The following DMD variants were observed in gnomAD, a reference collection of about 807,000 sequenced individuals.
DMD encodes dystrophin, also known as mutant dystrophin.
Under a neutral mutation model 330.1 loss-of-function variants are expected in DMD, and 63 were observed. That is an observed-to-expected ratio of 0.19 (90% confidence interval 0.16 to 0.24). DMD has a LOEUF of 0.24. Ranked by LOEUF, DMD falls within the 10% of genes least tolerant of loss-of-function variation. The pLI, the probability that DMD is intolerant of heterozygous loss-of-function variation, is 1.00. For missense variants in DMD, 3,344 were observed against 2,684.1 expected (o/e 1.25, Z -5.43); for synonymous variants, 1,223 against 959.8 (o/e 1.27, Z -5.07).
intron 77 of DMD, 129 bp from the exon 78 acceptor site, chrX:31,126,802 G>GAA (rs1263082892): frequency 3.0e-4 from 46 of 152,838 alleles, no homozygotes; most frequent in Admixed American, 2.0e-3. Flanking sequence ...ATTCTCTGCT[G>GAA]GAAAAAAAAA....
At chrX:32,244,505 T>C (rs1166112501) in intron 43 of DMD, among the ~76,000 whole-genome samples, 357 of 59,773 alleles carry the variant, frequency 6.0e-3, no homozygotes, top group Admixed American at 7.5e-3. Flanking sequence ...CAAATGGTAT[T>C]TCTAGTTCTA....
chrX:32,305,924 T>C (rs917189678), intron 42 of DMD, among the ~76,000 whole-genome samples: 2 of 110,904 alleles, frequency 1.8e-5, no homozygotes, highest in African/African-American at 6.5e-5. Context: ...GCTGACTCCC[T>C]TACCTTCTTC....
At chrX:33,276,093 T>C (rs146860122) in intron 1 of DMD, among the ~76,000 whole-genome samples, 287 of 111,836 alleles carry the variant, frequency 2.6e-3, no homozygotes, top group African/African-American at 8.9e-3. Flanking sequence ...AAAGATGAAA[T>C]TTTTGTCAGG....
intron 44 of DMD, among the ~76,000 whole-genome samples, chrX:32,058,943 T>C (rs2096202490): frequency 9.0e-6 from 1 of 111,566 alleles, no homozygotes; most frequent in Non-Finnish European, 1.9e-5. Context: ...TATGCTACAA[T>C]GTGGATGAAT....
intron 4 of DMD, among the ~76,000 whole-genome samples, chrX:32,827,966 C>A (rs889527130): frequency 9.0e-6 from 1 of 111,524 alleles, no homozygotes; most frequent in African/African-American, 3.3e-5. Context: ...CAGCCTAACT[C>A]CCACTTATAA....
At chrX:32,557,136 A>G (rs759260292) in intron 16 of DMD, among the ~76,000 whole-genome samples, 22 of 111,455 alleles carry the variant, frequency 2.0e-4, no homozygotes, top group South Asian at 1.1e-3. Flanking sequence ...TTCCTATTTT[A>G]TAGATGAAAG....
At chrX:31,912,176 T>C (rs1327974621) in intron 47 of DMD, among the ~76,000 whole-genome samples, 1 of 111,067 alleles carries the variant, frequency 9.0e-6, no homozygotes, top group Non-Finnish European at 1.9e-5. Flanking sequence ...TACCGCTTTC[T>C]GAATCCCGGC....
chrX:31,522,870 C>T (rs765118354), intron 55 of DMD, among the ~76,000 whole-genome samples: 5 of 111,457 alleles, frequency 4.5e-5, no homozygotes, highest in Admixed American at 9.5e-5. Flanking sequence ...GAAATAGGGG[C>T]GGTAAAGAAG....
intron 60 of DMD, among the ~76,000 whole-genome samples, chrX:31,359,263 T>C (rs1272665918): frequency 8.9e-6 from 1 of 112,338 alleles, no homozygotes; most frequent in Non-Finnish European, 1.9e-5. Flanking sequence ...TTGAGAACTT[T>C]TCAAAAAAAT....
chrX:32,951,024 A>G (rs1168280179), intron 2 of DMD, among the ~76,000 whole-genome samples: 2 of 111,613 alleles, frequency 1.8e-5, no homozygotes, highest in Non-Finnish European at 1.9e-5. Context: ...ACTATTTGCC[A>G]CTTTACAAAA....
At chrX:32,710,858 T>C (rs1206065736) in intron 7 of DMD, among the ~76,000 whole-genome samples, 1 of 110,979 alleles carries the variant, frequency 9.0e-6, no homozygotes, top group Non-Finnish European at 1.9e-5. Context: ...GTGGGTAGGA[T>C]TCTACCAAAT....
intron 52 of DMD, among the ~76,000 whole-genome samples, chrX:31,697,556 C>A (rs962463177): frequency 9.8e-5 from 11 of 111,874 alleles, no homozygotes; most frequent in African/African-American, 3.2e-4. Flanking sequence ...ATGTCAAGAA[C>A]CACAATATTG....
intron 1 of DMD, among the ~76,000 whole-genome samples, chrX:33,305,431 G>T (rs12690281): frequency 5.2e-5 from 4 of 77,598 alleles, no homozygotes; most frequent in African/African-American, 9.6e-5. Context: ...GTGGGGGGAG[G>T]GGGGAGGGAT....
chrX:32,664,814 T>G (rs934694120), intron 9 of DMD, among the ~76,000 whole-genome samples: 1 of 111,925 alleles, frequency 8.9e-6, no homozygotes, highest in African/African-American at 3.3e-5. Context: ...AGGCATCAAC[T>G]TACAGACAGT....
chrX:31,941,643 A>G (rs1168833779), intron 45 of DMD, among the ~76,000 whole-genome samples: 2 of 111,484 alleles, frequency 1.8e-5, no homozygotes, highest in African/African-American at 6.5e-5. Context: ...AAATGATCCC[A>G]CCACACACAG....
At chrX:31,216,248 G>A (rs1241374200) in intron 64 of DMD, among the ~76,000 whole-genome samples, 1 of 112,427 alleles carries the variant, frequency 8.9e-6, no homozygotes, top group African/African-American at 3.2e-5. Context: ...GTTGATAGCT[G>A]GAGAATGGAA....
intron 1 of DMD, among the ~76,000 whole-genome samples, chrX:33,164,920 C>T (rs773737914): frequency 0.013 from 654 of 48,901 alleles, no homozygotes; most frequent in African/African-American, 0.049. Flanking sequence ...GCTTTACTTA[C>T]TTTCTTTCTT....
chrX:32,720,276 T>A (rs1202704595), intron 7 of DMD, among the ~76,000 whole-genome samples: 1 of 111,555 alleles, frequency 9.0e-6, no homozygotes, highest in Non-Finnish European at 1.9e-5. Context: ...TTTAACGGTC[T>A]AATACCAAGA....
At position 32,078,107 on chromosome X, in the gene DMD, T is replaced by C. The variant is rs531869668; in HGVS notation, c.6439-109593A>G. Among the ~76,000 whole-genome samples, 5 of 111,761 alleles carry C rather than the reference T, an allele frequency of 4.5e-5. No individual in the cohort carries two copies. The East Asian group carries it at 1.1e-3, about 25-fold the overall frequency. ...CATTTATATTCAGTTTCCTAGGGTC[T>C]CTAATAAGCATCCCCAAACTAGCAT... is the stretch of plus-strand genomic sequence containing the variant. On this transcript the variant is annotated intron_variant, in intron 44 of 78. Coordinates refer to ENST00000357033, the MANE Select transcript of DMD (RefSeq NM_004006.3).
Sources: allele counts gnomAD v4.1 joint callset (sites outside exome capture counted in the v4.1 genomes callset), GRCh38; gene constraint gnomAD v4.1.1; transcripts MANE v1.5; gene names NCBI Gene and HGNC (gene_info 2026-07-23, HGNC 2026-07-21).